The following EPB41L5 variants were observed in gnomAD, a reference collection of about 807,000 sequenced individuals.
EPB41L5 encodes the protein erythrocyte membrane protein band 4.1 like 5, also known as band 4.1-like protein 5.
Under a neutral mutation model 106.6 loss-of-function variants are expected in EPB41L5, and 55 were observed. That is an observed-to-expected ratio of 0.52 (90% CI 0.42 to 0.65). The LOEUF is 0.65. Ranked by LOEUF, EPB41L5 falls within the 30% of genes least tolerant of loss-of-function variation. EPB41L5 has a pLI of 0.00. For missense variants in EPB41L5, 871 were observed against 882.1 expected (o/e 0.99, Z 0.16); for synonymous variants, 297 against 306.7 (o/e 0.97, Z 0.33).
intron 20 of EPB41L5, among the ~76,000 whole-genome samples, chr2:120,146,967 A>G (rs939709521): frequency 3.9e-5 from 6 of 152,242 alleles, no homozygotes; most frequent in Non-Finnish European, 5.9e-5. Flanking sequence ...TGCATAGTGT[A>G]TAGCACTTTA....
chr2:120,157,750 CGG>C (rs1686961831), intron 20 of EPB41L5, among the ~76,000 whole-genome samples: 1 of 129,074 alleles, frequency 7.7e-6, no homozygotes, highest in Admixed American at 8.8e-5. Flanking sequence ...ACCTGGGAAA[CGG>C]AGTGAGACCC....
chr2:120,177,438 G>A lies in EPB41L5; in HGVS notation c.*2531G>A, dbSNP rs1453913548. On this transcript the variant is annotated 3_prime_UTR_variant, in exon 25 of 25. Coordinates refer to ENST00000263713, the MANE Select transcript of EPB41L5 (RefSeq NM_020909.4). ...GGAGCAGATAGTGCTGCCTCCCTGC[G>A]GGCAGACAGGAGAGGAACCTCAACT... The A allele has an allele frequency of 2.0e-5, 3 of 152,262 alleles. No individual in the cohort carries two copies. The highest frequency in any genetic ancestry group is 4.4e-5 in the Non-Finnish European group (3 of 68,084). 9.4% of individuals were successfully genotyped at this position (152,262 alleles called of 1,614,324 possible). A position where few individuals can be genotyped will look rare whatever the true frequency, so the allele number is the denominator to read the frequency against.
intron 3 of EPB41L5, among the ~76,000 whole-genome samples, chr2:120,061,293 G>T (rs1681051835): frequency 6.8e-6 from 1 of 147,528 alleles, no homozygotes. Context: ...CGGGATCTCG[G>T]CTCACTGCAA....
At chr2:120,091,721 G>T in intron 13 of EPB41L5, 60 bp downstream of exon 13, 1 of 1,347,666 alleles carries the variant, frequency 7.4e-7, no homozygotes, top group East Asian at 2.4e-5. Context: ...ATGTGCTGGT[G>T]TTGTTTCCAT....
intron 2 of EPB41L5, among the ~76,000 whole-genome samples, chr2:120,025,838 A>G (rs1323707505): frequency 9.2e-5 from 14 of 152,222 alleles, no homozygotes; most frequent in Admixed American, 9.2e-4. Context: ...CTAGAACAAT[A>G]TTGAAAAATA....
chr2:120,151,279 G>A (rs1037448862), intron 20 of EPB41L5, among the ~76,000 whole-genome samples: 7 of 151,938 alleles, frequency 4.6e-5, no homozygotes, highest in African/African-American at 1.7e-4. Flanking sequence ...CAGCCTGGGC[G>A]ACGGAGCGAG....
intron 14 of EPB41L5, among the ~76,000 whole-genome samples, chr2:120,099,673 A>G (rs1015983846): frequency 2.0e-5 from 3 of 152,040 alleles, no homozygotes; most frequent in African/African-American, 4.8e-5. Context: ...GTGATCGCCC[A>G]CCTCAGCCTC....
At position 120,078,579 on chromosome 2, in the gene EPB41L5, T is replaced by G. The variant is rs752807562; in HGVS notation, c.801T>G (p.Phe267Leu). The G allele has an allele frequency of 6.2e-7, 1 of 1,605,376 alleles. No individual in the cohort carries two copies. The highest frequency in any genetic ancestry group is 2.3e-5 in the East Asian group (1 of 44,406). ...GAGATACCAAAATTGGCTTATTTTT[T>G]TGGTAAGCAAGAGTTATTGTCAAAG... ...FEGDTKIGLF[F>L]WPKITRLDFK... Residue 267 changes from phenylalanine (F) to leucine (L), a missense_variant and splice_region_variant, in exon 10 of 25, where the codon TTT becomes TTG. Physicochemically the swap from Phe to Leu is conservative, Grantham distance 22 (BLOSUM62 0). Coordinates refer to ENST00000263713, the MANE Select transcript of EPB41L5 (RefSeq NM_020909.4).
intron 3 of EPB41L5, among the ~76,000 whole-genome samples, chr2:120,062,321 A>G (rs1480801156): frequency 6.6e-6 from 1 of 152,190 alleles, no homozygotes. Flanking sequence ...GAAGAACTAA[A>G]AAGTTGAAGG....
rs543515959 is a variant in EPB41L5 at position 120,095,755 on chromosome 2, G to A, written c.1178+2479G>A. ...ATGATCTTGGCTCACTGCAACCTCC[G>A]CCTCCCAGGTTCAAGCGATTCTCCT... is the stretch of plus-strand genomic sequence containing the variant. On this transcript the variant is annotated intron_variant, in intron 14 of 24. Coordinates refer to ENST00000263713, the MANE Select transcript of EPB41L5 (RefSeq NM_020909.4). Among the ~76,000 whole-genome samples, 8 of 151,106 alleles carry A rather than the reference G, an allele frequency of 5.3e-5. No homozygotes were observed. The South Asian group carries it at 8.3e-4, about 16-fold the overall frequency.
intron 2 of EPB41L5, among the ~76,000 whole-genome samples, chr2:120,019,477 G>A (rs1299352780): frequency 2.6e-5 from 4 of 152,132 alleles, no homozygotes; most frequent in African/African-American, 7.2e-5. Context: ...AATTAGTGGC[G>A]ATTACCTGAA....
At chr2:120,073,247 G>A (rs766035416) in intron 4 of EPB41L5, 27 bp downstream of exon 4, 2 of 1,549,576 alleles carry the variant, frequency 1.3e-6, no homozygotes, top group Admixed American at 3.6e-5. Context: ...TTATTTGTGG[G>A]GGGGAAAGGA....
At chr2:120,106,578 G>A in intron 16 of EPB41L5, 2 of 985,218 alleles carry the variant, frequency 2.0e-6, no homozygotes, top group South Asian at 4.7e-5. Context: ...TTGATCAAAG[G>A]GTGTCATCAG....
At position 120,051,691 on chromosome 2, in the gene EPB41L5, G is replaced by A. The variant is rs190424997; in HGVS notation, c.285+9581G>A. 6.4e-3 allele frequency among the ~76,000 whole-genome samples: 973 copies of A among 152,320 alleles called. 15 individuals carry two copies. The highest frequency in any genetic ancestry group is 0.021 in the African/African-American group (866 of 41,578). ...TGCTTTGGCTCTTGCTCAGTGGGCT[G>A]CACCCACTGTCCAACAAGCCCCAGT... is the stretch of plus-strand genomic sequence containing the variant. On this transcript the variant is annotated intron_variant, in intron 3 of 24. Transcript: ENST00000263713.
chr2:120,088,643 A>G (rs1683222041), intron 11 of EPB41L5, among the ~76,000 whole-genome samples: 1 of 152,214 alleles, frequency 6.6e-6, no homozygotes, highest in Non-Finnish European at 1.5e-5. Context: ...GTGTATGTAT[A>G]TTTAGCTTTT....
At chr2:120,084,541 T>C (rs984997030) in intron 10 of EPB41L5, among the ~76,000 whole-genome samples, 6 of 152,218 alleles carry the variant, frequency 3.9e-5, no homozygotes, top group African/African-American at 1.4e-4. Context: ...GACCTTTCTC[T>C]CTGGCTGCCC....
intron 21 of EPB41L5, 59 bp from the exon 22 acceptor site, chr2:120,164,777 A>AACTT: frequency 1.6e-6 from 2 of 1,252,692 alleles, no homozygotes; most frequent in South Asian, 2.6e-5. Context: ...ATATGGAAAA[A>AACTT]ACTTAACATC....
chr2:120,123,646 CTTTTTTTTT>C (rs869296989), intron 16 of EPB41L5, among the ~76,000 whole-genome samples: 2,300 of 68,318 alleles, frequency 0.034, 85 homozygotes, highest in African/African-American at 0.12. Context: ...GTGTTCGTCC[CTTTTTTTTT>C]TTTTTTTTTT....
rs34620344 is a variant in EPB41L5 at position 120,175,418 on chromosome 2, CTT to C, written c.*524_*525del. The C allele has an allele frequency of 1.5e-4, 22 of 143,632 alleles. No individual in the cohort carries two copies. The highest frequency in any genetic ancestry group is 2.8e-4 in the Admixed American group (4 of 14,338). The allele number at this position is 143,632 out of a possible 1,614,324, so 8.9% of individuals were successfully genotyped here. ...ACTATAAAGGCAGACTTAGGGCCAACTTTTTTTTTTTTTTACAATTATTACAA... is the reference window on the plus strand; with the variant it reads ...ACTATAAAGGCAGACTTAGGGCCAACTTTTTTTTTTTTACAATTATTACAA... On this transcript the variant is annotated 3_prime_UTR_variant, in exon 25 of 25. Transcript: ENST00000263713.
Sources: gnomAD v4.1 joint callset for allele counts (sites outside exome capture counted in the v4.1 genomes callset) on GRCh38, gnomAD v4.1.1 for gene constraint, MANE v1.5 for transcripts, NCBI Gene and HGNC (gene_info 2026-07-23, HGNC 2026-07-21) for gene names.